PPM1A: variants seen among roughly 807,000 people sequenced by gnomAD.
PPM1A encodes protein phosphatase, Mg2+/Mn2+ dependent 1A.
PPM1A carries 7 observed loss-of-function variants against 35.0 expected under a neutral mutation model. That is an observed-to-expected ratio of 0.20 (90% CI 0.11 to 0.38). PPM1A has a LOEUF of 0.38. Among genes scored for constraint, PPM1A ranks in the 10% least tolerant of loss-of-function variants. The probability of loss-of-function intolerance (pLI) is 1.00; values close to 1 mark genes in which losing one functional copy is unlikely to be tolerated. For missense variants in PPM1A, 239 were observed against 467.8 expected (o/e 0.51, Z 4.51); for synonymous variants, 153 against 167.3 (o/e 0.91, Z 0.66).
chr14:60,296,755 A>T lies in PPM1A; in HGVS notation c.*4273A>T. The T allele has an allele frequency of 2.9e-6, 1 of 345,112 alleles. No individual in the cohort carries two copies. The highest frequency in any genetic ancestry group is 5.3e-6 in the Non-Finnish European group (1 of 187,832). The allele number at this position is 345,112 out of a possible 1,614,324, so 21.4% of individuals were successfully genotyped here. On this transcript the variant is annotated 3_prime_UTR_variant, in exon 6 of 6. Transcript: ENST00000395076. This position sits in a 1 kb window ranked among gnomAD's most constrained non-coding sequence, Gnocchi z 4.4. ...ACTGTATTGTTTTGTTGATCAGAAT[A>T]ATAAGTCTCAGTTAAATGTTTGTTA...
intron 2 of PPM1A, 76 bp from the exon 3 acceptor site, chr14:60,285,548 G>A: frequency 1.4e-6 from 2 of 1,413,082 alleles, no homozygotes; most frequent in Non-Finnish European, 2.0e-6. Flanking sequence ...ACTGTAATTG[G>A]CACAGCTGTA....
rs976154649 is a variant in PPM1A, at chr14:60,276,597, G to A, written c.-20-6087G>A. On this transcript the variant is annotated intron_variant, in intron 1 of 5. Transcript: ENST00000395076. ...TGTATCTATGTCCTTTGTTTATAAA[G>A]CCTGGGGGGCGTTCCCTATTAGGTT... is the stretch of plus-strand genomic sequence containing the variant. 1.4e-4 allele frequency among the ~76,000 whole-genome samples: 21 copies of A among 152,234 alleles called. No homozygotes were observed. The East Asian group carries it at 3.9e-3, about 28-fold the overall frequency.
At position 60,298,144 on chromosome 14, in the gene PPM1A, GTCTT is replaced by G. The variant is rs1888203685; in HGVS notation, c.*5666_*5669del. 6.6e-6 allele frequency: 1 copy of G among 151,582 alleles called. No individual in the cohort carries two copies. Among genetic ancestry groups the G allele is most frequent in the South Asian group, 2.1e-4 (1 of 4,818 alleles). 9.4% of individuals were successfully genotyped at this position (151,582 alleles called of 1,614,324 possible). A position where few individuals can be genotyped will look rare whatever the true frequency, so the allele number is the denominator to read the frequency against. On this transcript the variant is annotated 3_prime_UTR_variant, in exon 6 of 6. Coordinates refer to ENST00000395076, the MANE Select transcript of PPM1A (RefSeq NM_021003.5). ...GTATTCAGAAGTTTTGGAGGTTAATGTCTTTCTCTAAGATTTGCCACTTTAGAAA... is the reference window on the plus strand; with the variant it reads ...GTATTCAGAAGTTTTGGAGGTTAATGTCTCTAAGATTTGCCACTTTAGAAA...
upstream of PPM1A, chr14:60,246,107 A>G (rs1041625627): frequency 6.0e-5 from 87 of 1,443,392 alleles, no homozygotes; most frequent in Non-Finnish European, 7.8e-5. Context: ...ACTCTTGAGT[A>G]GTGACTGGCT....
intron 3 of PPM1A, among the ~76,000 whole-genome samples, chr14:60,288,795 C>T (rs1280929825): frequency 6.6e-6 from 1 of 152,018 alleles, no homozygotes; most frequent in Non-Finnish European, 1.5e-5. Flanking sequence ...TCTTGCCCCA[C>T]TAATGACAAA....
At chr14:60,250,744 G>A (rs920013271) in intron 1 of PPM1A, among the ~76,000 whole-genome samples, 1 of 152,202 alleles carries the variant, frequency 6.6e-6, no homozygotes, top group East Asian at 1.9e-4. Context: ...TTTCAAACTT[G>A]CACGTTGGGG....
chr14:60,261,509 A>G (rs543245059), intron 1 of PPM1A, among the ~76,000 whole-genome samples: 1 of 152,120 alleles, frequency 6.6e-6, no homozygotes, highest in Non-Finnish European at 1.5e-5. Flanking sequence ...TTTACAGCTG[A>G]CCATAATCAT....
intron 3 of PPM1A, chr14:60,288,152 A>G (rs1181365390): frequency 1.0e-6 from 1 of 985,078 alleles, no homozygotes. Flanking sequence ...CACGTGGAAC[A>G]GGAGATATTA....
chr14:60,263,325 TC>T (rs1883987887), intron 1 of PPM1A, among the ~76,000 whole-genome samples: 1 of 152,230 alleles, frequency 6.6e-6, no homozygotes, highest in South Asian at 2.1e-4. Context: ...AATTTGATTT[TC>T]TTTTTTATCT....
rs1398227585 is a variant in PPM1A at position 60,249,662 on chromosome 14, C to T, written c.-36C>T. 3.0e-6 allele frequency: 3 copies of T among 984,638 alleles called. No individual in the cohort carries two copies. In the East Asian group the frequency reaches 3.4e-4, roughly 113 times the overall value. The allele number at this position is 984,638 out of a possible 1,614,324, so 61.0% of individuals were successfully genotyped here. A position where few individuals can be genotyped will look rare whatever the true frequency, so the allele number is the denominator to read the frequency against. On this transcript the variant is annotated 5_prime_UTR_variant, in exon 1 of 6. Transcript: ENST00000395076. This position sits in a 1 kb window ranked among gnomAD's most constrained non-coding sequence, Gnocchi z 4.5. ...CCTCGGCCGACCAGGGACCTGCCCGCCTGCGGCTGCTCCGGGTAAGTGCGG... is the reference window on the plus strand; with the variant it reads ...CCTCGGCCGACCAGGGACCTGCCCGTCTGCGGCTGCTCCGGGTAAGTGCGG...
chr14:60,258,497 A>G (rs748909483), intron 1 of PPM1A, among the ~76,000 whole-genome samples: 30 of 152,146 alleles, frequency 2.0e-4, no homozygotes, highest in South Asian at 4.1e-4. Flanking sequence ...CCATTTTTCA[A>G]TAATGGGAGT....
intron 3 of PPM1A, chr14:60,285,997 T>C: frequency 9.0e-7 from 1 of 1,111,032 alleles, no homozygotes. Flanking sequence ...AAGGCTAAAA[T>C]GTTTGTGTGC....
In PPM1A at chr14:60,249,649, A is replaced by G; in HGVS notation, c.-49A>G. On this transcript the variant is annotated 5_prime_UTR_variant, in exon 1 of 6. Coordinates refer to ENST00000395076, the MANE Select transcript of PPM1A (RefSeq NM_021003.5). The surrounding 1 kb of genome is among the most constrained non-coding windows in gnomAD (Gnocchi z 4.5). ...GCCGCCGCCGCCGCCTCGGCCGACC[A>G]GGGACCTGCCCGCCTGCGGCTGCTC... is the stretch of plus-strand genomic sequence containing the variant. The G allele has an allele frequency of 1.0e-6, 1 of 981,004 alleles. No individual in the cohort carries two copies. The highest frequency in any genetic ancestry group is 4.7e-5 in the South Asian group (1 of 21,322). 60.8% of individuals were successfully genotyped at this position (981,004 alleles called of 1,614,324 possible).
intron 1 of PPM1A, among the ~76,000 whole-genome samples, chr14:60,263,619 A>G (rs982030710): frequency 6.6e-6 from 1 of 152,144 alleles, no homozygotes; most frequent in South Asian, 2.1e-4. Flanking sequence ...CCATCACCCA[A>G]ATACTGAAGG....
At chr14:60,276,028 G>A (rs1402363108) in intron 1 of PPM1A, among the ~76,000 whole-genome samples, 1 of 152,150 alleles carries the variant, frequency 6.6e-6, no homozygotes, top group African/African-American at 2.4e-5. Context: ...AGATGTAGCT[G>A]CAAGGGTTAG....
chr14:60,286,664 A>G, intron 3 of PPM1A: 1 of 985,116 alleles, frequency 1.0e-6, no homozygotes, highest in Non-Finnish European at 1.2e-6. Flanking sequence ...CATTATTGAA[A>G]TTACTACTCA....
intron 1 of PPM1A, among the ~76,000 whole-genome samples, chr14:60,270,791 C>T (rs938518661): frequency 6.6e-6 from 1 of 152,036 alleles, no homozygotes; most frequent in Non-Finnish European, 1.5e-5. Flanking sequence ...GTCCTATTAA[C>T]CTGTTACAGG....
chr14:60,264,714 AGGT>A, intron 1 of PPM1A, among the ~76,000 whole-genome samples: 1 of 152,212 alleles, frequency 6.6e-6, no homozygotes, highest in East Asian at 1.9e-4. Flanking sequence ...ATTATGTTCT[AGGT>A]GGTTCCTCAG....
At chr14:60,247,770 G>A (rs772371678), upstream of PPM1A, among the ~76,000 whole-genome samples, 5 of 152,048 alleles carry the variant, frequency 3.3e-5, no homozygotes, top group African/African-American at 4.8e-5. Context: ...TAAATAGGTT[G>A]CTTTTGATCT....
Sources: gnomAD v4.1 joint callset for allele counts (sites outside exome capture counted in the v4.1 genomes callset) on GRCh38, gnomAD v4.1.1 for gene constraint, Gnocchi (gnomAD v3.1) non-coding constraint, MANE v1.5 for transcripts, NCBI Gene and HGNC (gene_info 2026-07-23, HGNC 2026-07-21) for gene names.